The following TNNI3K variants were observed in gnomAD, a reference collection of about 807,000 sequenced individuals.
TNNI3K encodes the protein TNNI3 interacting kinase, also known as serine/threonine-protein kinase TNNI3K.
TNNI3K carries 140 observed loss-of-function variants against 114.5 expected under a neutral mutation model. The observed-to-expected ratio is 1.22, with a 90% CI of 1.07 to 1.41. The LOEUF is 1.41. Among genes scored for constraint, TNNI3K ranks in the 40% most tolerant of loss-of-function variants. The pLI is 0.00. For synonymous variants in TNNI3K, 347 were observed against 347.5 expected (o/e 1.00, Z 0.02); for missense variants, 1,125 against 1,007.6 (o/e 1.12, Z -1.58).
intron 11 of TNNI3K, among the ~76,000 whole-genome samples, chr1:74,362,309 TA>T (rs1475141507): frequency 6.6e-6 from 1 of 152,142 alleles, no homozygotes; most frequent in Non-Finnish European, 1.5e-5. Context: ...AGGTATAAAG[TA>T]AGGCCTAGTC....
Position 74,540,133 on chromosome 1 carries a change from C to T in TNNI3K, c.2352-101C>T, listed in dbSNP as rs1050113596. 4.8e-6 allele frequency: 6 copies of T among 1,246,328 alleles called. No homozygotes were observed. In the South Asian group the frequency reaches 7.7e-5, roughly 16 times the overall value. 77.2% of individuals were successfully genotyped at this position (1,246,328 alleles called of 1,614,324 possible). On this transcript the variant is annotated intron_variant, in intron 23 of 24. Coordinates refer to ENST00000326637, the MANE Select transcript of TNNI3K (RefSeq NM_015978.3). ...ATAAAAGCTGCTTTGTATCACTTTG[C>T]CATTTCTCTGGGATCTATGTTGAGT...
chr1:74,506,209 A>G (rs547809670), intron 23 of TNNI3K, among the ~76,000 whole-genome samples: 120 of 152,356 alleles, frequency 7.9e-4, no homozygotes, highest in Non-Finnish European at 1.5e-3. Context: ...AGAAATGTGT[A>G]TTCAAACATA....
chr1:74,314,646 A>C (rs1659199186), intron 5 of TNNI3K, among the ~76,000 whole-genome samples: 1 of 152,170 alleles, frequency 6.6e-6, no homozygotes, highest in African/African-American at 2.4e-5. Flanking sequence ...GCACAACTTG[A>C]TGTCATAAAC....
chr1:74,543,777 C>A (rs553509230), intron 24 of TNNI3K, 129 bp from the exon 25 acceptor site: 2 of 1,010,680 alleles, frequency 2.0e-6, no homozygotes, highest in East Asian at 5.1e-5. Context: ...CAACTACTCA[C>A]CAGCAACCGT....
chr1:74,357,004 T>C (rs1570514847), intron 11 of TNNI3K, among the ~76,000 whole-genome samples: 1 of 152,162 alleles, frequency 6.6e-6, no homozygotes, highest in East Asian at 1.9e-4. Flanking sequence ...TATTTTTCTC[T>C]TCCTAAAAAA....
rs575822408 is a variant in TNNI3K at position 74,443,083 on chromosome 1, A to G, written c.2011+3461A>G. The stretch of plus-strand genomic sequence containing the variant: ...TAGAAAGATCTCAAATTGACATCCT[A>G]ACAATTACAACAAAAACAACTGGAG... On this transcript the variant is annotated intron_variant, in intron 20 of 24. Coordinates refer to ENST00000326637, the MANE Select transcript of TNNI3K (RefSeq NM_015978.3). Among the ~76,000 whole-genome samples the G allele has an allele frequency of 1.4e-4, 21 of 152,232 alleles. No homozygotes were observed. In the East Asian group the frequency reaches 4.1e-3, roughly 29 times the overall value.
chr1:74,447,528 A>G (rs1357230326), intron 20 of TNNI3K, among the ~76,000 whole-genome samples: 1 of 122,298 alleles, frequency 8.2e-6, no homozygotes, highest in African/African-American at 3.7e-5. Flanking sequence ...ATCACTGGCC[A>G]TCAGAGAAAT....
chr1:74,278,953 T>G (rs1656840324), intron 5 of TNNI3K, among the ~76,000 whole-genome samples: 1 of 152,150 alleles, frequency 6.6e-6, no homozygotes. Flanking sequence ...ATGTTATAAT[T>G]ACATATGACT....
At chr1:74,451,750 TTC>T (rs1667034645) in intron 20 of TNNI3K, among the ~76,000 whole-genome samples, 1 of 21,876 alleles carries the variant, frequency 4.6e-5, no homozygotes, top group Non-Finnish European at 7.5e-5. Flanking sequence ...TTTCTTTCTT[TTC>T]TTTTCTTTTC....
chr1:74,464,864 A>G lies in TNNI3K; in HGVS notation c.2121+1314A>G, dbSNP rs45620934. 379 of 1,377,154 alleles carry G rather than the reference A, an allele frequency of 2.8e-4. 1 individual carries two copies. In the African/African-American group the frequency reaches 5.0e-3, roughly 18 times the overall value. 85.3% of individuals were successfully genotyped at this position (1,377,154 alleles called of 1,614,324 possible). ...TTTGTTTATTTTGTTCACTGCTATAACACTAACATCTAAAGCTGGATGCTT... is the reference window on the plus strand; with the variant it reads ...TTTGTTTATTTTGTTCACTGCTATAGCACTAACATCTAAAGCTGGATGCTT... On this transcript the variant is annotated intron_variant, in intron 21 of 24. Coordinates refer to ENST00000326637, the MANE Select transcript of TNNI3K (RefSeq NM_015978.3).
At chr1:74,496,720 A>T (rs748829013) in intron 23 of TNNI3K, among the ~76,000 whole-genome samples, 1 of 152,200 alleles carries the variant, frequency 6.6e-6, no homozygotes, top group African/African-American at 2.4e-5. Context: ...ACTTGATAAA[A>T]TCTGAGATTG....
chr1:74,354,164 C>G, intron 11 of TNNI3K, 35 bp downstream of exon 11: 1 of 1,612,434 alleles, frequency 6.2e-7, no homozygotes, highest in Non-Finnish European at 8.5e-7. Flanking sequence ...TATAGTGATA[C>G]ATTGAACTGT....
intron 17 of TNNI3K, among the ~76,000 whole-genome samples, chr1:74,398,846 G>T (rs1315629521): frequency 1.3e-5 from 2 of 151,956 alleles, no homozygotes; most frequent in Non-Finnish European, 2.9e-5. Context: ...CTCTCAAAAA[G>T]CATACTACTA....
At chr1:74,332,739 G>T (rs1304994737) in intron 6 of TNNI3K, among the ~76,000 whole-genome samples, 1 of 152,034 alleles carries the variant, frequency 6.6e-6, no homozygotes, top group Non-Finnish European at 1.5e-5. Context: ...ATATTGTTTT[G>T]CTGTACCAAA....
intron 2 of TNNI3K, chr1:74,239,846 C>T: frequency 2.3e-6 from 1 of 431,856 alleles, no homozygotes; most frequent in Admixed American, 2.7e-5. Flanking sequence ...CAATTTATAG[C>T]AGCTTTGGAA....
At chr1:74,255,302 C>T (rs1484424237) in intron 4 of TNNI3K, among the ~76,000 whole-genome samples, 2 of 147,334 alleles carry the variant, frequency 1.4e-5, no homozygotes, top group Non-Finnish European at 3.0e-5. Flanking sequence ...TGCAGTGAGC[C>T]GAGATCCCGC....
At chr1:74,436,875 G>C (rs1320058199) in intron 19 of TNNI3K, among the ~76,000 whole-genome samples, 1 of 152,016 alleles carries the variant, frequency 6.6e-6, no homozygotes, top group African/African-American at 2.4e-5. Flanking sequence ...AATAAAATTA[G>C]TAGTTCATCA....
intron 23 of TNNI3K, among the ~76,000 whole-genome samples, chr1:74,492,667 G>T (rs1669139323): frequency 6.6e-6 from 1 of 152,016 alleles, no homozygotes; most frequent in Non-Finnish European, 1.5e-5. Context: ...TCCATTCCTA[G>T]GAATATACCC....
chr1:74,368,999 A>G (rs746796257), intron 13 of TNNI3K, 23 bp from the exon 14 acceptor site: 2 of 1,578,772 alleles, frequency 1.3e-6, no homozygotes. Flanking sequence ...CTTAAAAAAT[A>G]AAATGACAAT....
Sources: gnomAD v4.1 joint callset for allele counts (sites outside exome capture counted in the v4.1 genomes callset) on GRCh38, gnomAD v4.1.1 for gene constraint, MANE v1.5 for transcripts, NCBI Gene and HGNC (gene_info 2026-07-23, HGNC 2026-07-21) for gene names.